The following CELF4 variants were observed in gnomAD, a reference collection of about 807,000 sequenced individuals.
The protein encoded by CELF4 is CUG-BP- and ETR-3-like factor 4.
Under a neutral mutation model 59.9 loss-of-function variants are expected in CELF4, and 18 were observed. The observed-to-expected ratio is 0.30, with a 90% CI of 0.21 to 0.45. CELF4 has a LOEUF of 0.45. Among genes scored for constraint, CELF4 ranks in the 20% least tolerant of loss-of-function variants. CELF4 has a pLI of 1.00. For synonymous variants in CELF4, 261 were observed against 267.1 expected (o/e 0.98, Z 0.22); for missense variants, 456 against 689.0 (o/e 0.66, Z 3.79).
chr18:37,353,233 A>AAAAATATATATATATATATAT (rs71168258), intron 2 of CELF4, among the ~76,000 whole-genome samples: 15 of 106,956 alleles, frequency 1.4e-4, no homozygotes, highest in Middle Eastern at 4.5e-3. Flanking sequence ...AAAAAAAAAA[A>AAAAATATATATATATATATAT]ATATATATAT....
At chr18:37,490,617 C>T (rs1277674346) in intron 1 of CELF4, among the ~76,000 whole-genome samples, 1 of 152,132 alleles carries the variant, frequency 6.6e-6, no homozygotes, top group Non-Finnish European at 1.5e-5. Flanking sequence ...GGAGTTGACA[C>T]AGGTGCTCTC....
chr18:37,344,314 G>A (rs952136598), intron 2 of CELF4, among the ~76,000 whole-genome samples: 15 of 152,342 alleles, frequency 9.8e-5, no homozygotes, highest in African/African-American at 3.4e-4. Context: ...AGCAACCCGT[G>A]AAACACAGAA....
chr18:37,531,742 G>T (rs951535255), intron 1 of CELF4, among the ~76,000 whole-genome samples: 2 of 152,140 alleles, frequency 1.3e-5, no homozygotes, highest in Admixed American at 6.5e-5. Context: ...TAGAGGGGCC[G>T]TTCCATCATG....
At chr18:37,512,758 C>G (rs1244677226) in intron 1 of CELF4, among the ~76,000 whole-genome samples, 1 of 151,774 alleles carries the variant, frequency 6.6e-6, no homozygotes, top group Non-Finnish European at 1.5e-5. Flanking sequence ...CCTGCTTTCT[C>G]TTTTTCTTCT....
intron 2 of CELF4, among the ~76,000 whole-genome samples, chr18:37,441,586 C>A (rs1270463567): frequency 1.3e-5 from 2 of 152,116 alleles, no homozygotes; most frequent in Non-Finnish European, 2.9e-5. Flanking sequence ...GTCCAGCCCC[C>A]ATGGGGACGA....
intron 1 of CELF4, among the ~76,000 whole-genome samples, chr18:37,526,556 G>C (rs2099964019): frequency 2.0e-5 from 3 of 152,286 alleles, no homozygotes; most frequent in African/African-American, 7.2e-5. Flanking sequence ...GGTGACCTGG[G>C]GTAGAGCCAC....
chr18:37,341,074 A>G (rs1362204718), intron 2 of CELF4, among the ~76,000 whole-genome samples: 1 of 152,186 alleles, frequency 6.6e-6, no homozygotes, highest in Non-Finnish European at 1.5e-5. Context: ...GGCACCAACC[A>G]CTCAGACTCC....
At chr18:37,541,320 C>G (rs2099977615) in intron 1 of CELF4, among the ~76,000 whole-genome samples, 2 of 152,048 alleles carry the variant, frequency 1.3e-5, no homozygotes, top group African/African-American at 4.8e-5. Flanking sequence ...CCACTCAGCA[C>G]TGAGTGCCTC....
At chr18:37,275,311 G>T in intron 3 of CELF4, 68 bp from the exon 4 acceptor site, 1 of 1,561,746 alleles carries the variant, frequency 6.4e-7, no homozygotes, top group Non-Finnish European at 8.7e-7. Flanking sequence ...GGCAAGGCCG[G>T]AGGGGGAGAG....
chr18:37,488,245 G>A (rs2099886013), intron 1 of CELF4, among the ~76,000 whole-genome samples: 1 of 151,998 alleles, frequency 6.6e-6, no homozygotes, highest in South Asian at 2.1e-4. Context: ...CCCTTTTCCT[G>A]TTTCCCTTTC....
rs573501189 is a variant in CELF4 at position 37,274,371 on chromosome 18, C to G, written c.741G>C (p.Gln247His). ...TGGCCATGGGGTTGAACATGCCCATCTGGCCAGCCATCTGCTGCATTCGCC... is the reference window on the plus strand; with the variant it reads ...TGGCCATGGGGTTGAACATGCCCATGTGGCCAGCCATCTGCTGCATTCGCC... ...TMRRMQQMAG[Q>H]MGMFNPMAIP... Residue 247 changes from glutamine (Q) to histidine (H), a missense_variant, in exon 6 of 13, where the codon CAG (glutamine) becomes CAC (histidine). Transcript: ENST00000420428. The G allele has an allele frequency of 1.9e-6, 3 of 1,613,592 alleles. No homozygotes were observed. The highest frequency in any genetic ancestry group is 1.1e-5 in the South Asian group (1 of 91,072).
chr18:37,278,632 G>A (rs1357773181), intron 3 of CELF4, among the ~76,000 whole-genome samples: 2 of 152,212 alleles, frequency 1.3e-5, no homozygotes, highest in African/African-American at 2.4e-5. Context: ...CATGGCGATG[G>A]CCCCTACTTG....
At chr18:37,299,051 G>A (rs182134417) in intron 3 of CELF4, among the ~76,000 whole-genome samples, 1 of 152,180 alleles carries the variant, frequency 6.6e-6, no homozygotes, top group African/African-American at 2.4e-5. Flanking sequence ...TTCCCCAAAG[G>A]GATCTGTGGC....
intron 1 of CELF4, among the ~76,000 whole-genome samples, chr18:37,499,058 T>C (rs1261400528): frequency 6.6e-6 from 1 of 152,238 alleles, no homozygotes. Flanking sequence ...TGCTTCCTTT[T>C]GTAGGACCTG....
chr18:37,478,214 C>T (rs190928416), intron 2 of CELF4, among the ~76,000 whole-genome samples: 4 of 152,242 alleles, frequency 2.6e-5, no homozygotes, highest in African/African-American at 9.6e-5. Flanking sequence ...GCGATCTGGC[C>T]CACCGCCTCC....
At chr18:37,399,459 A>T (rs2099294266) in intron 2 of CELF4, among the ~76,000 whole-genome samples, 1 of 152,180 alleles carries the variant, frequency 6.6e-6, no homozygotes, top group Non-Finnish European at 1.5e-5. Context: ...AAGCCAAATA[A>T]GGCTCTATTA....
intron 1 of CELF4, among the ~76,000 whole-genome samples, chr18:37,540,873 C>T (rs1049050406): frequency 6.6e-6 from 1 of 152,108 alleles, no homozygotes; most frequent in African/African-American, 2.4e-5. Flanking sequence ...TTTCCTTTAT[C>T]TCATTCATTA....
chr18:37,355,370 C>A (rs2098545743), intron 2 of CELF4, among the ~76,000 whole-genome samples: 1 of 152,130 alleles, frequency 6.6e-6, no homozygotes, highest in African/African-American at 2.4e-5. Flanking sequence ...AAGCTATAAA[C>A]TTTAAACTGA....
At chr18:37,249,869 G>A (rs1391920881) in intron 12 of CELF4, among the ~76,000 whole-genome samples, 1 of 152,104 alleles carries the variant, frequency 6.6e-6, no homozygotes, top group African/African-American at 2.4e-5. Flanking sequence ...GAAAGCTACA[G>A]CCTGGCCCTG....
Sources: allele counts gnomAD v4.1 joint callset (sites outside exome capture counted in the v4.1 genomes callset), GRCh38; gene constraint gnomAD v4.1.1; transcripts MANE v1.5; gene names NCBI Gene and HGNC (gene_info 2026-07-23, HGNC 2026-07-21).